The following MRTFA variants were observed in gnomAD, a reference collection of about 807,000 sequenced individuals.
MRTFA encodes myocardin-related transcription factor A.
MRTFA carries 20 observed loss-of-function variants against 83.5 expected under a neutral mutation model. That is an observed-to-expected ratio of 0.24 (90% CI 0.17 to 0.35). The LOEUF is 0.35. Ranked by LOEUF, MRTFA falls within the 10% of genes least tolerant of loss-of-function variation. The pLI is 1.00. For synonymous variants in MRTFA, 659 were observed against 541.2 expected (o/e 1.22, Z -3.02); for missense variants, 1,200 against 1,224.7 (o/e 0.98, Z 0.30).
chr22:40,605,679 A>C (rs980465078), intron 1 of MRTFA, among the ~76,000 whole-genome samples: 7 of 152,244 alleles, frequency 4.6e-5, no homozygotes, highest in Non-Finnish European at 1.0e-4. Context: ...GAGTAAAATC[A>C]AAACATCAAA....
At chr22:40,472,357 G>C (rs1434379456) in intron 3 of MRTFA, among the ~76,000 whole-genome samples, 7 of 152,202 alleles carry the variant, frequency 4.6e-5, no homozygotes, top group Admixed American at 4.6e-4. Flanking sequence ...GCCAATGATA[G>C]ATCATGGCAA....
chr22:40,452,364 G>C (rs757722800), intron 4 of MRTFA, among the ~76,000 whole-genome samples: 1 of 152,048 alleles, frequency 6.6e-6, no homozygotes, highest in Non-Finnish European at 1.5e-5. Flanking sequence ...GTATTGTTCA[G>C]GTAAAATAGT....
At chr22:40,503,088 T>C (rs1355852054) in intron 3 of MRTFA, among the ~76,000 whole-genome samples, 1 of 152,146 alleles carries the variant, frequency 6.6e-6, no homozygotes, top group Non-Finnish European at 1.5e-5. Context: ...TCTATTCTGC[T>C]TAAAGGCCTC....
At chr22:40,444,791 G>C (rs1347535973) in intron 4 of MRTFA, among the ~76,000 whole-genome samples, 2 of 152,108 alleles carry the variant, frequency 1.3e-5, no homozygotes, top group African/African-American at 4.8e-5. Context: ...ATGAGGGCCT[G>C]GTGCAGTGGC....
At chr22:40,572,067 A>G (rs531527612) in intron 2 of MRTFA, among the ~76,000 whole-genome samples, 1 of 152,236 alleles carries the variant, frequency 6.6e-6, no homozygotes, top group East Asian at 1.9e-4. Flanking sequence ...GTAAAACCAA[A>G]AAGTCAGATT....
chr22:40,426,570 C>T (rs1250636477), intron 7 of MRTFA, among the ~76,000 whole-genome samples: 1 of 152,150 alleles, frequency 6.6e-6, no homozygotes, highest in East Asian at 1.9e-4. Flanking sequence ...ATTCCTCAAA[C>T]AAACAAGCTG....
chr22:40,455,250 G>A lies in MRTFA; in HGVS notation c.307+7971C>T, dbSNP rs150905963. Among the ~76,000 whole-genome samples the A allele has an allele frequency of 9.1e-4, 138 of 152,210 alleles. No individual in the cohort carries two copies. In the East Asian group the frequency reaches 0.024, roughly 26 times the overall value. ...CTCAAGTATGTTCAACAGCACATGC[G>A]GCTAATGGTTAGTCTTATAGAAATA... On this transcript the variant is annotated intron_variant, in intron 4 of 14. Coordinates refer to ENST00000355630, the MANE Select transcript of MRTFA (RefSeq NM_020831.6).
At chr22:40,483,529 C>A (rs988765527) in intron 3 of MRTFA, among the ~76,000 whole-genome samples, 8 of 151,248 alleles carry the variant, frequency 5.3e-5, no homozygotes, top group African/African-American at 1.9e-4. Flanking sequence ...ACTAAAAATA[C>A]AAAAAAGTAG....
chr22:40,572,972 G>A (rs1247405024), intron 2 of MRTFA, among the ~76,000 whole-genome samples: 2 of 152,152 alleles, frequency 1.3e-5, no homozygotes, highest in East Asian at 1.9e-4. Context: ...GCTATAACAT[G>A]GATGAGCCCT....
At chr22:40,456,156 T>C (rs2053583421) in intron 4 of MRTFA, among the ~76,000 whole-genome samples, 2 of 152,072 alleles carry the variant, frequency 1.3e-5, no homozygotes, top group South Asian at 4.1e-4. Flanking sequence ...CCCCTTCCGG[T>C]CTTATTACGA....
chr22:40,436,724 G>C (rs2053176971), intron 4 of MRTFA, among the ~76,000 whole-genome samples: 1 of 152,332 alleles, frequency 6.6e-6, no homozygotes, highest in African/African-American at 2.4e-5. Context: ...GTAGGGAACA[G>C]AGGCAATAAG....
intron 3 of MRTFA, among the ~76,000 whole-genome samples, chr22:40,483,468 G>A (rs554600685): frequency 1.1e-4 from 17 of 151,042 alleles, no homozygotes; most frequent in African/African-American, 2.2e-4. Flanking sequence ...AGTGGATCAC[G>A]AGGTCAGGAG....
intron 3 of MRTFA, among the ~76,000 whole-genome samples, chr22:40,542,671 A>T (rs1039034698): frequency 1.3e-5 from 2 of 152,236 alleles, no homozygotes; most frequent in Admixed American, 1.3e-4. Context: ...ATATTAATGT[A>T]AGTGTGAAAA....
intron 3 of MRTFA, among the ~76,000 whole-genome samples, chr22:40,512,588 G>A (rs966579050): frequency 2.6e-5 from 4 of 152,194 alleles, no homozygotes; most frequent in Non-Finnish European, 5.9e-5. Flanking sequence ...GAGAGCTTTC[G>A]AAAGATGATT....
At chr22:40,488,791 C>A (rs1272972264) in intron 3 of MRTFA, among the ~76,000 whole-genome samples, 1 of 151,850 alleles carries the variant, frequency 6.6e-6, no homozygotes, top group African/African-American at 2.4e-5. Context: ...CAAGATGGCG[C>A]CACTGCACTC....
rs186688971 is a variant in MRTFA at position 40,460,127 on chromosome 22, G to A, written c.307+3094C>T. On this transcript the variant is annotated intron_variant, in intron 4 of 14. Transcript: ENST00000355630. ...TTTAGTAGAGACGGGGTTTCACCATGTTAGCCAGGCTGGTCTGGAATTCCT... is the reference window on the plus strand; with the variant it reads ...TTTAGTAGAGACGGGGTTTCACCATATTAGCCAGGCTGGTCTGGAATTCCT... Among the ~76,000 whole-genome samples, 45 of 152,030 alleles carry A rather than the reference G, an allele frequency of 3.0e-4. No individual in the cohort carries two copies. In the East Asian group the frequency reaches 7.9e-3, roughly 27 times the overall value.
chr22:40,423,594 G>A lies in MRTFA; in HGVS notation c.869C>T (p.Pro290Leu), dbSNP rs200309955. The A allele has an allele frequency of 2.7e-4, 427 of 1,596,732 alleles. No homozygotes were observed. Among genetic ancestry groups the A allele is most frequent in the Non-Finnish European group, 3.5e-4 (413 of 1,170,736 alleles). Residue 290 changes from proline to leucine, a missense_variant, in exon 9 of 15, where the codon CCC (proline) becomes CTC (leucine). Pro to Leu is a moderately conservative substitution (Grantham distance 98). Around this residue, in one of 2 missense-constraint regions of MRTFA, gnomAD observed 1,107 missense variants for 1,041.8 expected, o/e 1.06. Transcript: ENST00000355630. ...GATAGTGGTTCCATTGGTGAGGCTG[G>A]GAGGCAGCAGAGGTGGGGGAGGCAG...
At chr22:40,566,159 T>C (rs926945962) in intron 2 of MRTFA, among the ~76,000 whole-genome samples, 2 of 152,032 alleles carry the variant, frequency 1.3e-5, no homozygotes, top group African/African-American at 4.8e-5. Context: ...CATAAGTATA[T>C]TACATAAACA....
At chr22:40,613,325 A>G (rs1248793130) in intron 1 of MRTFA, among the ~76,000 whole-genome samples, 1 of 152,118 alleles carries the variant, frequency 6.6e-6, no homozygotes, top group Non-Finnish European at 1.5e-5. Context: ...TGTTGACTGT[A>G]TGTTTTCATT....
Sources: allele counts gnomAD v4.1 joint callset (sites outside exome capture counted in the v4.1 genomes callset), GRCh38; gene constraint gnomAD v4.1.1; regional missense constraint gnomAD v4.1.1; transcripts MANE v1.5; gene names NCBI Gene and HGNC (gene_info 2026-07-23, HGNC 2026-07-21).